Variants in C9 observed in about 807,000 individuals in gnomAD.
The protein encoded by C9 is complement C9, also known as complement component C9.
In C9, 63 loss-of-function variants were observed where a neutral mutation model predicts 65.4. That is an observed-to-expected ratio of 0.96 (90% CI 0.79 to 1.19). The LOEUF is 1.19. Among genes scored for constraint, C9 ranks in the 50% most tolerant of loss-of-function variants. The pLI is 0.00. For synonymous variants in C9, 229 were observed against 227.9 expected (o/e 1.00, Z -0.04); for missense variants, 744 against 670.1 (o/e 1.11, Z -1.22).
rs140368267 is a variant in C9 at position 39,298,245 on chromosome 5, C to T, written c.1416+8372G>A. Reference sequence around the variant, plus strand: ...ATATCTAAAATCAATAATAACAGCACCCAGCTTAAGAAACTAGAAACAGAA... The same window carrying T: ...ATATCTAAAATCAATAATAACAGCATCCAGCTTAAGAAACTAGAAACAGAA... On this transcript the variant is annotated intron_variant, in intron 9 of 10. Coordinates refer to ENST00000263408, the MANE Select transcript of C9 (RefSeq NM_001737.5). Among the ~76,000 whole-genome samples, 144 of 151,074 alleles carry T rather than the reference C, an allele frequency of 9.5e-4. No individual in the cohort carries two copies. In the Middle Eastern group the frequency reaches 0.014, roughly 14 times the overall value.
intron 6 of C9, among the ~76,000 whole-genome samples, chr5:39,314,085 T>A (rs1753532598): frequency 6.6e-6 from 1 of 152,164 alleles, no homozygotes; most frequent in Admixed American, 6.5e-5. Flanking sequence ...TTAGCACCTA[T>A]GATCTCTTCT....
At chr5:39,342,587 T>C (rs1754107625) in intron 1 of C9, among the ~76,000 whole-genome samples, 1 of 152,128 alleles carries the variant, frequency 6.6e-6, no homozygotes, top group African/African-American at 2.4e-5. Context: ...CCATCCACCA[T>C]ACCCCACCCC....
intron 9 of C9, 56 bp downstream of exon 9, chr5:39,306,561 G>GAC (rs1226444974): frequency 6.8e-6 from 9 of 1,332,578 alleles, no homozygotes; most frequent in Middle Eastern, 1.8e-4. Context: ...GAAACAATGT[G>GAC]ACATTTAATA....
chr5:39,331,679 A>T lies in C9; in HGVS notation c.612T>A (p.Tyr204Ter). 6.2e-7 allele frequency: 1 copy of T among 1,613,978 alleles called. No homozygotes were observed. Among genetic ancestry groups the T allele is most frequent in the Non-Finnish European group, 8.5e-7 (1 of 1,179,812 alleles). The change falls in exon 5 of 11, where the codon TAT (tyrosine) becomes TAA (stop). Residue 204 changes from tyrosine (Y) to a stop codon, truncating the protein, a stop_gained. Transcript: ENST00000263408. LOFTEE classifies it high-confidence loss of function. ...RRPWNVASLI[Y>*]ETKGEKNFRT... ...GTTTTCCTCCGAGGAGACTTACTTCATAGATCAAAGAAGCCACGTTCCAAG... is the reference window on the plus strand; with the variant it reads ...GTTTTCCTCCGAGGAGACTTACTTCTTAGATCAAAGAAGCCACGTTCCAAG...
intron 4 of C9, among the ~76,000 whole-genome samples, chr5:39,340,861 A>C (rs1238689127): frequency 6.6e-6 from 1 of 152,190 alleles, no homozygotes; most frequent in Non-Finnish European, 1.5e-5. Flanking sequence ...AGGTTCCTAA[A>C]TGAGAGATTT....
intron 6 of C9, among the ~76,000 whole-genome samples, chr5:39,314,933 G>A: frequency 6.6e-6 from 1 of 152,086 alleles, no homozygotes; most frequent in Non-Finnish European, 1.5e-5. Flanking sequence ...ACTCCATGAG[G>A]ACACAAATTT....
intron 4 of C9, among the ~76,000 whole-genome samples, chr5:39,338,089 G>C (rs559825656): frequency 6.6e-6 from 1 of 152,272 alleles, no homozygotes; most frequent in African/African-American, 2.4e-5. Flanking sequence ...TGGTATGAAA[G>C]AATATTACAA....
intron 4 of C9, among the ~76,000 whole-genome samples, chr5:39,334,249 C>T (rs887484468): frequency 6.7e-6 from 1 of 149,902 alleles, no homozygotes; most frequent in Admixed American, 6.6e-5. Context: ...ATGTGGGGAG[C>T]GCCTCAGCCC....
intron 1 of C9, among the ~76,000 whole-genome samples, chr5:39,347,616 A>G (rs1403134205): frequency 6.6e-6 from 1 of 152,196 alleles, no homozygotes; most frequent in South Asian, 2.1e-4. Flanking sequence ...TATAGATTCA[A>G]TGCCATCCCT....
Position 39,358,934 on chromosome 5 carries a change from G to A in C9, c.77+5454C>T, listed in dbSNP as rs535554403. Among the ~76,000 whole-genome samples, 7 of 151,116 alleles carry A rather than the reference G, an allele frequency of 4.6e-5. 1 individual carries two copies. The South Asian group carries it at 6.3e-4, about 14-fold the overall frequency. ...CGGGAGGCGGAGCTTACAGGGAGCC[G>A]AGATCGCGCCACTGCACTCCAGCCT... On this transcript the variant is annotated intron_variant, in intron 1 of 10. Coordinates refer to ENST00000263408, the MANE Select transcript of C9 (RefSeq NM_001737.5).
chr5:39,347,469 T>C (rs1162986627), intron 1 of C9, among the ~76,000 whole-genome samples: 1 of 152,198 alleles, frequency 6.6e-6, no homozygotes, highest in Non-Finnish European at 1.5e-5. Context: ...TTACAAAGGA[T>C]GTGGAGGACC....
At position 39,285,242 on chromosome 5, in the gene C9, A is replaced by C; in HGVS notation, c.1646-9T>G. The stretch of plus-strand genomic sequence containing the variant: ...CTCTAGGGCTGGCAATCCTAGAGAA[A>C]ACAAATAAGTATCAAATCTTAATCA... On this transcript the variant is annotated splice_polypyrimidine_tract_variant and intron_variant, in intron 10 of 10. Coordinates refer to ENST00000263408, the MANE Select transcript of C9 (RefSeq NM_001737.5). The C allele has an allele frequency of 6.2e-7, 1 of 1,610,382 alleles. No homozygotes were observed. Among genetic ancestry groups the C allele is most frequent in the Non-Finnish European group, 8.5e-7 (1 of 1,176,740 alleles).
At chr5:39,339,081 T>C (rs969418070) in intron 4 of C9, among the ~76,000 whole-genome samples, 4 of 152,204 alleles carry the variant, frequency 2.6e-5, no homozygotes, top group Admixed American at 2.6e-4. Flanking sequence ...CACCATGGAC[T>C]CACAATCTTT....
At chr5:39,316,665 A>C (rs142158972) in intron 5 of C9, among the ~76,000 whole-genome samples, 4,536 of 152,310 alleles carry the variant, frequency 0.03, 209 homozygotes, top group African/African-American at 0.1. Flanking sequence ...AGTCCCTGCA[A>C]AGGACGTGAT....
At chr5:39,300,269 G>C (rs1401701896) in intron 9 of C9, among the ~76,000 whole-genome samples, 1 of 152,064 alleles carries the variant, frequency 6.6e-6, no homozygotes, top group Non-Finnish European at 1.5e-5. Context: ...AAAATTAGCT[G>C]TGCATGGTGG....
intron 1 of C9, among the ~76,000 whole-genome samples, chr5:39,354,475 A>T (rs1204203406): frequency 6.6e-6 from 1 of 152,244 alleles, no homozygotes; most frequent in Admixed American, 6.5e-5. Context: ...ATGTTGAGAA[A>T]CACTGCTTAG....
intron 1 of C9, among the ~76,000 whole-genome samples, chr5:39,342,648 C>T (rs1754110263): frequency 6.6e-6 from 1 of 152,114 alleles, no homozygotes; most frequent in African/African-American, 2.4e-5. Flanking sequence ...CAAATTTAAG[C>T]CAGCCAGCCC....
At chr5:39,359,102 G>GTGTGTGTGTGTGTA (rs1407613505) in intron 1 of C9, among the ~76,000 whole-genome samples, 2 of 103,664 alleles carry the variant, frequency 1.9e-5, no homozygotes. Context: ...GTGTGTGTGT[G>GTGTGTGTGTGTGTA]TATATATATA....
chr5:39,323,440 T>C (rs1485271750), intron 5 of C9, among the ~76,000 whole-genome samples: 1 of 148,718 alleles, frequency 6.7e-6, no homozygotes, highest in Non-Finnish European at 1.5e-5. Context: ...ACAAACTAAA[T>C]TCAGAAATAT....
Sources: gnomAD v4.1 joint callset for allele counts (sites outside exome capture counted in the v4.1 genomes callset) on GRCh38, gnomAD v4.1.1 for gene constraint, MANE v1.5 for transcripts, NCBI Gene and HGNC (gene_info 2026-07-23, HGNC 2026-07-21) for gene names.